MON2: variants seen among roughly 807,000 people sequenced by gnomAD.
MON2 encodes the protein MON2 regulator of endosome-to-Golgi trafficking.
Under a neutral mutation model 208.6 loss-of-function variants are expected in MON2, and 84 were observed. That is an observed-to-expected ratio of 0.40 (90% CI 0.34 to 0.48). The LOEUF (loss-of-function observed/expected upper bound fraction) is 0.48, where lower values mean the gene tolerates loss of function less well. MON2 is among the 20% of genes least tolerant of loss of function. MON2 has a pLI of 0.59. For synonymous variants in MON2, 660 were observed against 694.0 expected (o/e 0.95, Z 0.77); for missense variants, 1,611 against 2,015.4 (o/e 0.80, Z 3.84).
At chr12:62,582,927 G>T (rs1323854963) in intron 32 of MON2, among the ~76,000 whole-genome samples, 1 of 152,084 alleles carries the variant, frequency 6.6e-6, no homozygotes, top group Non-Finnish European at 1.5e-5. Flanking sequence ...GAGAGTAAAA[G>T]AAATTGGAAG....
chr12:62,571,619 G>T, intron 30 of MON2, 37 bp downstream of exon 30: 3 of 1,496,434 alleles, frequency 2.0e-6, no homozygotes, highest in Admixed American at 1.9e-5. Flanking sequence ...GACAAGAAGT[G>T]GCACATTATA....
chr12:62,552,811 AC>A (rs1229125441), intron 23 of MON2, 69 bp from the exon 24 acceptor site: 1 of 1,170,268 alleles, frequency 8.5e-7, no homozygotes, highest in East Asian at 2.4e-5. Flanking sequence ...TAAAACAGCC[AC>A]ATGTTGCATA....
intron 2 of MON2, among the ~76,000 whole-genome samples, chr12:62,492,008 G>A (rs2070168225): frequency 6.6e-6 from 1 of 152,126 alleles, no homozygotes; most frequent in Non-Finnish European, 1.5e-5. Context: ...CAAAACCTTT[G>A]TGTACAAGAA....
At chr12:62,587,295 G>A (rs969692344) in intron 33 of MON2, among the ~76,000 whole-genome samples, 1 of 151,910 alleles carries the variant, frequency 6.6e-6, no homozygotes, top group African/African-American at 2.4e-5. Context: ...ACTTTCAACA[G>A]CATGGTAGAA....
At chr12:62,578,623 C>A in intron 31 of MON2, 118 bp downstream of exon 31, 1 of 624,798 alleles carries the variant, frequency 1.6e-6, no homozygotes, top group Non-Finnish European at 2.7e-6. Context: ...AAACTGAAAG[C>A]ATTAAAACTC....
chr12:62,591,458 A>G (rs1424689539), intron 34 of MON2, among the ~76,000 whole-genome samples: 1 of 152,206 alleles, frequency 6.6e-6, no homozygotes, highest in Non-Finnish European at 1.5e-5. Context: ...GTCAGTAGGT[A>G]TTGGATGGAA....
chr12:62,479,438 C>A (rs1049444539), intron 1 of MON2, among the ~76,000 whole-genome samples: 1 of 144,504 alleles, frequency 6.9e-6, no homozygotes, highest in Admixed American at 7.0e-5. Flanking sequence ...ATATCCCCCC[C>A]CCCCCCCAAA....
chr12:62,515,347 G>A (rs2071631162), intron 8 of MON2, among the ~76,000 whole-genome samples: 1 of 152,190 alleles, frequency 6.6e-6, no homozygotes, highest in Non-Finnish European at 1.5e-5. Flanking sequence ...AGGACATTAT[G>A]CTGAGTGAAA....
intron 24 of MON2, 48 bp from the exon 25 acceptor site, chr12:62,555,946 A>C: frequency 7.3e-7 from 1 of 1,366,406 alleles, no homozygotes; most frequent in Non-Finnish European, 1.0e-6. Context: ...GCTATTACTT[A>C]AGCTATATTA....
intron 1 of MON2, among the ~76,000 whole-genome samples, chr12:62,474,725 G>C (rs796258625): frequency 1.3e-5 from 2 of 152,272 alleles, no homozygotes; most frequent in African/African-American, 4.8e-5. Flanking sequence ...CGGCCAGCCA[G>C]ATAGAACTTC....
At chr12:62,551,467 A>G (rs942365969) in intron 23 of MON2, among the ~76,000 whole-genome samples, 4 of 152,214 alleles carry the variant, frequency 2.6e-5, no homozygotes, top group African/African-American at 9.6e-5. Context: ...AAATAGTTGC[A>G]ATAGTCACAT....
At chr12:62,481,158 C>T (rs1477949707) in intron 1 of MON2, among the ~76,000 whole-genome samples, 1 of 152,188 alleles carries the variant, frequency 6.6e-6, no homozygotes, top group Non-Finnish European at 1.5e-5. Flanking sequence ...AATCCATCAT[C>T]ATCTCTTGCT....
intron 2 of MON2, among the ~76,000 whole-genome samples, chr12:62,488,099 G>A (rs564519252): frequency 2.0e-5 from 3 of 152,264 alleles, no homozygotes; most frequent in Non-Finnish European, 4.4e-5. Flanking sequence ...GCTGCCTCTA[G>A]TATGTTTTTC....
At chr12:62,548,160 A>G (rs1222768349) in intron 22 of MON2, among the ~76,000 whole-genome samples, 1 of 152,240 alleles carries the variant, frequency 6.6e-6, no homozygotes, top group Non-Finnish European at 1.5e-5. Flanking sequence ...TGAATTTTAT[A>G]GATATCACTG....
intron 34 of MON2, among the ~76,000 whole-genome samples, chr12:62,591,941 T>C (rs894745366): frequency 6.6e-6 from 1 of 152,204 alleles, no homozygotes; most frequent in African/African-American, 2.4e-5. Context: ...TAGGAAAATA[T>C]AACTAATTGG....
At chr12:62,479,325 T>A (rs967007614) in intron 1 of MON2, among the ~76,000 whole-genome samples, 1 of 152,122 alleles carries the variant, frequency 6.6e-6, no homozygotes, top group Non-Finnish European at 1.5e-5. Flanking sequence ...CGTGTGCATA[T>A]CTTCCCATAT....
At chr12:62,578,317 A>G (rs1194395880) in intron 30 of MON2, 128 bp from the exon 31 acceptor site, 4 of 629,950 alleles carry the variant, frequency 6.3e-6, no homozygotes, top group Non-Finnish European at 1.1e-5. Context: ...TACTCTTTTA[A>G]ATAAATAATA....
chr12:62,537,335 G>C, intron 15 of MON2, 72 bp downstream of exon 15: 2 of 1,047,336 alleles, frequency 1.9e-6, no homozygotes, highest in Non-Finnish European at 2.8e-6. Flanking sequence ...CTTTGTGTTT[G>C]CCAAAATGTG....
intron 30 of MON2, among the ~76,000 whole-genome samples, chr12:62,573,984 G>A (rs2136421870): frequency 6.6e-6 from 1 of 152,272 alleles, no homozygotes; most frequent in Non-Finnish European, 1.5e-5. Context: ...CAGCATAGTG[G>A]ATAAGAGCAT....
Sources: gnomAD v4.1 joint callset for allele counts (sites outside exome capture counted in the v4.1 genomes callset) on GRCh38, gnomAD v4.1.1 for gene constraint, MANE v1.5 for transcripts, NCBI Gene and HGNC (gene_info 2026-07-23, HGNC 2026-07-21) for gene names.